The following GALNTL6 variants were observed in gnomAD, a reference collection of about 807,000 sequenced individuals.
GALNTL6 encodes the protein polypeptide N-acetylgalactosaminyltransferase like 6, also known as polypeptide N-acetylgalactosaminyltransferase-like 6.
GALNTL6 carries 46 observed loss-of-function variants against 73.7 expected under a neutral mutation model. The ratio of observed to expected loss-of-function variants is 0.62; its 90% confidence interval spans 0.49 to 0.80. The LOEUF is 0.80. Among genes scored for constraint, GALNTL6 ranks in the 30% least tolerant of loss-of-function variants. The pLI is 0.00. For missense variants in GALNTL6, 604 were observed against 755.0 expected (o/e 0.80, Z 2.34); for synonymous variants, 259 against 263.7 (o/e 0.98, Z 0.17).
At chr4:172,312,637 TTAAAA>T (rs1171214502) in intron 4 of GALNTL6, among the ~76,000 whole-genome samples, 3 of 152,134 alleles carry the variant, frequency 2.0e-5, no homozygotes, top group African/African-American at 7.2e-5. Context: ...GGGCAACTAA[TTAAAA>T]TAAGAATCAG....
intron 9 of GALNTL6, among the ~76,000 whole-genome samples, chr4:172,940,352 A>C (rs1318885721): frequency 6.6e-6 from 1 of 152,024 alleles, no homozygotes; most frequent in Non-Finnish European, 1.5e-5. Flanking sequence ...TATTTATAGA[A>C]TACAGAAAGT....
intron 7 of GALNTL6, among the ~76,000 whole-genome samples, chr4:172,881,692 T>A (rs752857734): frequency 2.6e-5 from 4 of 152,214 alleles, no homozygotes; most frequent in Non-Finnish European, 4.4e-5. Context: ...TTTATAAATA[T>A]CCTTTGTTTC....
At chr4:172,657,994 C>CAA (rs1459227606) in intron 5 of GALNTL6, among the ~76,000 whole-genome samples, 1 of 144,674 alleles carries the variant, frequency 6.9e-6, no homozygotes, top group East Asian at 2.1e-4. Context: ...ACTAAAAATA[C>CAA]AAAAAATTAG....
At chr4:173,020,063 C>T (rs913277039) in intron 11 of GALNTL6, among the ~76,000 whole-genome samples, 3 of 152,204 alleles carry the variant, frequency 2.0e-5, no homozygotes, top group South Asian at 2.1e-4. Flanking sequence ...GCCAGCCTGC[C>T]GTAAGTCCTA....
intron 5 of GALNTL6, among the ~76,000 whole-genome samples, chr4:172,778,321 C>T (rs947905364): frequency 6.6e-6 from 1 of 152,174 alleles, no homozygotes; most frequent in East Asian, 1.9e-4. Flanking sequence ...AATTATTTAT[C>T]CCACCTGCCA....
At chr4:172,677,088 G>A (rs539495744) in intron 5 of GALNTL6, among the ~76,000 whole-genome samples, 1 of 152,144 alleles carries the variant, frequency 6.6e-6, no homozygotes, top group South Asian at 2.1e-4. Context: ...CTAATCAGGT[G>A]TCCTACTACT....
chr4:172,108,140 C>T (rs1411445641), intron 2 of GALNTL6, among the ~76,000 whole-genome samples: 1 of 152,118 alleles, frequency 6.6e-6, no homozygotes, highest in African/African-American at 2.4e-5. Context: ...TTTAAATTTA[C>T]AAACTTTACT....
chr4:172,879,507 G>T (rs1054462679), intron 7 of GALNTL6, among the ~76,000 whole-genome samples: 1 of 151,710 alleles, frequency 6.6e-6, no homozygotes. Flanking sequence ...TGGAAACTAA[G>T]TTATATACTT....
At position 171,818,460 on chromosome 4, in the gene GALNTL6, G is replaced by T. The variant is rs149281909; in HGVS notation, c.138+3742G>T. 9.2e-3 allele frequency among the ~76,000 whole-genome samples: 1,391 copies of T among 151,258 alleles called. 13 individuals carry two copies. Among genetic ancestry groups the T allele is most frequent in the Admixed American group, 0.024 (358 of 15,178 alleles). ...TTCAAGAATATTTAGAATATGAAGA[G>T]GATCTTGCAATTTTTTAAATAAAAA... On this transcript the variant is annotated intron_variant, in intron 2 of 12. Coordinates refer to ENST00000506823, the MANE Select transcript of GALNTL6 (RefSeq NM_001034845.3).
At chr4:172,410,156 G>C (rs900436673) in intron 5 of GALNTL6, among the ~76,000 whole-genome samples, 2 of 151,612 alleles carry the variant, frequency 1.3e-5, no homozygotes, top group African/African-American at 4.8e-5. Flanking sequence ...GCAATATCCT[G>C]GTATTTTTAT....
At chr4:172,268,596 C>T (rs958519786) in intron 3 of GALNTL6, among the ~76,000 whole-genome samples, 5 of 152,152 alleles carry the variant, frequency 3.3e-5, no homozygotes, top group African/African-American at 9.6e-5. Flanking sequence ...TAATACCTTT[C>T]GCAGTTGGGG....
intron 5 of GALNTL6, among the ~76,000 whole-genome samples, chr4:172,478,654 A>T (rs988746396): frequency 6.6e-6 from 1 of 152,168 alleles, no homozygotes; most frequent in Non-Finnish European, 1.5e-5. Context: ...ACAAAAATGA[A>T]TAAATGAGAT....
chr4:172,359,751 G>T (rs144304186), intron 5 of GALNTL6, among the ~76,000 whole-genome samples: 2,006 of 152,170 alleles, frequency 0.013, 27 homozygotes, highest in Admixed American at 0.024. Flanking sequence ...AACATCTGGG[G>T]TTACCCCATA....
chr4:172,807,792 G>A (rs1474928999), intron 5 of GALNTL6, among the ~76,000 whole-genome samples: 1 of 152,094 alleles, frequency 6.6e-6, no homozygotes, highest in Non-Finnish European at 1.5e-5. Flanking sequence ...ACACTCTCGT[G>A]GAAAATCCCA....
chr4:172,823,218 A>G (rs890960169), intron 7 of GALNTL6, among the ~76,000 whole-genome samples: 1 of 152,218 alleles, frequency 6.6e-6, no homozygotes, highest in African/African-American at 2.4e-5. Flanking sequence ...AGACAGGGAT[A>G]TAGGCCCGAG....
At chr4:172,198,849 A>C (rs1735863641) in intron 2 of GALNTL6, among the ~76,000 whole-genome samples, 1 of 152,190 alleles carries the variant, frequency 6.6e-6, no homozygotes, top group African/African-American at 2.4e-5. Context: ...GCCAGCCATA[A>C]TGTACTACTA....
intron 10 of GALNTL6, among the ~76,000 whole-genome samples, chr4:172,973,669 A>G (rs1262435265): frequency 6.6e-6 from 1 of 152,238 alleles, no homozygotes; most frequent in African/African-American, 2.4e-5. Flanking sequence ...AACCAGAGGA[A>G]TGTAAATATG....
At chr4:172,533,967 C>A (rs927147825) in intron 5 of GALNTL6, among the ~76,000 whole-genome samples, 6 of 152,038 alleles carry the variant, frequency 3.9e-5, no homozygotes, top group Non-Finnish European at 8.8e-5. Flanking sequence ...AGAAACAGAT[C>A]CTGAGACAAG....
Position 172,809,147 on chromosome 4 carries a change from T to C in GALNTL6, c.554-214T>C, listed in dbSNP as rs1430229211. Among the ~76,000 whole-genome samples the C allele has an allele frequency of 6.6e-6, 1 of 152,152 alleles. No homozygotes were observed. Among genetic ancestry groups the C allele is most frequent in the Admixed American group, 6.5e-5 (1 of 15,278 alleles). On this transcript the variant is annotated intron_variant, in intron 5 of 12. Coordinates refer to ENST00000506823, the MANE Select transcript of GALNTL6 (RefSeq NM_001034845.3). This position sits in a 1 kb window ranked among gnomAD's most constrained non-coding sequence, Gnocchi z 4.4. ...AGACCTCTGGCATGTCAGTGACTTTTGTGTTCAAAAAAGGGCAATATTTGC... is the reference window on the plus strand; with the variant it reads ...AGACCTCTGGCATGTCAGTGACTTTCGTGTTCAAAAAAGGGCAATATTTGC...
Sources: gnomAD v4.1 joint callset for allele counts (sites outside exome capture counted in the v4.1 genomes callset) on GRCh38, gnomAD v4.1.1 for gene constraint, Gnocchi (gnomAD v3.1) non-coding constraint, MANE v1.5 for transcripts, NCBI Gene and HGNC (gene_info 2026-07-23, HGNC 2026-07-21) for gene names.